COP1: variants seen among roughly 807,000 people sequenced by gnomAD.
COP1 encodes COP1 E3 ubiquitin ligase.
In COP1, 24 loss-of-function variants were observed where a neutral mutation model predicts 101.3. The observed-to-expected ratio is 0.24, with a 90% confidence interval of 0.17 to 0.33. The LOEUF (loss-of-function observed/expected upper bound fraction) is 0.33. Among genes scored for constraint, COP1 ranks in the 10% least tolerant of loss-of-function variants. COP1 has a pLI of 1.00. For synonymous variants in COP1, 347 were observed against 341.9 expected (o/e 1.01, Z -0.17); for missense variants, 663 against 906.2 (o/e 0.73, Z 3.45).
chr1:176,008,482 T>TA (rs1402654808), intron 15 of COP1, among the ~76,000 whole-genome samples: 3 of 152,382 alleles, frequency 2.0e-5, no homozygotes, highest in African/African-American at 7.2e-5. Context: ...TTTTTGTTAA[T>TA]ATTCTCTATT....
chr1:176,000,518 T>C (rs1431350898), intron 15 of COP1, among the ~76,000 whole-genome samples: 1 of 152,056 alleles, frequency 6.6e-6, no homozygotes, highest in Non-Finnish European at 1.5e-5. Flanking sequence ...TATGACAACA[T>C]TAGAAGTTTA....
At chr1:176,069,376 C>T (rs1676580284) in intron 11 of COP1, among the ~76,000 whole-genome samples, 1 of 152,128 alleles carries the variant, frequency 6.6e-6, no homozygotes, top group African/African-American at 2.4e-5. Flanking sequence ...GTCCAGGAAA[C>T]TAGAAGCCAT....
intron 18 of COP1, among the ~76,000 whole-genome samples, chr1:175,963,939 A>G (rs1182784758): frequency 1.3e-5 from 2 of 152,232 alleles, no homozygotes; most frequent in Non-Finnish European, 2.9e-5. Context: ...TTGATGAACT[A>G]AAAACAAGTA....
intron 1 of COP1, among the ~76,000 whole-genome samples, chr1:176,201,441 A>G (rs1700247409): frequency 6.6e-6 from 1 of 152,236 alleles, no homozygotes. Context: ...AAAGTAAGCA[A>G]CAAGGTTTAA....
chr1:176,198,769 C>T (rs1179725500), intron 1 of COP1, among the ~76,000 whole-genome samples: 1 of 151,998 alleles, frequency 6.6e-6, no homozygotes, highest in East Asian at 1.9e-4. Flanking sequence ...CGCAAGATGA[C>T]ATGCAATTTT....
At chr1:176,169,002 T>G (rs372709887) in intron 3 of COP1, among the ~76,000 whole-genome samples, 1 of 152,186 alleles carries the variant, frequency 6.6e-6, no homozygotes. Context: ...CCTGACTTGT[T>G]AATAGGGCAT....
At chr1:176,191,345 G>C (rs555397609) in intron 1 of COP1, among the ~76,000 whole-genome samples, 1 of 151,956 alleles carries the variant, frequency 6.6e-6, no homozygotes, top group Admixed American at 6.6e-5. Flanking sequence ...GCACATAGAA[G>C]ACCTTGGAAA....
rs571314296 is a variant in COP1 at position 175,946,872 on chromosome 1, A to G, written c.2178+323T>C. ...GCTATATTTTGGGCTCTATCTACTGAAAGCCCTGTGGGAGAGTTGTACTGG... is the reference window on the plus strand; with the variant it reads ...GCTATATTTTGGGCTCTATCTACTGGAAGCCCTGTGGGAGAGTTGTACTGG... On this transcript the variant is annotated intron_variant, in intron 19 of 19. Transcript: ENST00000367669. Among the ~76,000 whole-genome samples the G allele has an allele frequency of 4.6e-5, 7 of 152,346 alleles. No homozygotes were observed. The East Asian group carries it at 1.3e-3, about 29-fold the overall frequency.
intron 9 of COP1, among the ~76,000 whole-genome samples, chr1:176,106,846 G>A (rs1684405607): frequency 6.6e-6 from 1 of 152,150 alleles, no homozygotes; most frequent in Non-Finnish European, 1.5e-5. Context: ...AGCAGGCAAG[G>A]TGAATCCATT....
At chr1:176,085,169 A>G (rs1244126748) in intron 10 of COP1, among the ~76,000 whole-genome samples, 1 of 152,140 alleles carries the variant, frequency 6.6e-6, no homozygotes, top group Non-Finnish European at 1.5e-5. Context: ...TTTTTCAGTT[A>G]ATTCATACTC....
At chr1:175,961,051 T>C (rs1424180697) in intron 18 of COP1, among the ~76,000 whole-genome samples, 1 of 152,200 alleles carries the variant, frequency 6.6e-6, no homozygotes, top group African/African-American at 2.4e-5. Context: ...TCTCCTGGCC[T>C]TGGCCATCAG....
chr1:176,023,814 CCAGA>C (rs1267908951), intron 15 of COP1, among the ~76,000 whole-genome samples: 2 of 151,874 alleles, frequency 1.3e-5, no homozygotes, highest in Non-Finnish European at 2.9e-5. Context: ...TAATCCAAGC[CCAGA>C]CAGTTTCTCT....
At chr1:176,071,675 A>G (rs544733791) in intron 11 of COP1, among the ~76,000 whole-genome samples, 1 of 152,342 alleles carries the variant, frequency 6.6e-6, no homozygotes, top group East Asian at 1.9e-4. Context: ...CTCCTGAGGA[A>G]GGTTATTCTA....
At chr1:176,017,012 C>T (rs1665782237) in intron 15 of COP1, among the ~76,000 whole-genome samples, 1 of 152,080 alleles carries the variant, frequency 6.6e-6, no homozygotes, top group South Asian at 2.1e-4. Context: ...AAATAATTTT[C>T]CTGTAGGATT....
chr1:175,990,271 T>G (rs1286840155), intron 15 of COP1, among the ~76,000 whole-genome samples: 1 of 152,172 alleles, frequency 6.6e-6, no homozygotes, highest in East Asian at 1.9e-4. Flanking sequence ...TAACTATTGT[T>G]GATTTTTAAT....
In COP1 at chr1:175,944,831, T is replaced by C. The variant is rs113228008; in HGVS notation, c.*322A>G. On this transcript the variant is annotated 3_prime_UTR_variant, in exon 20 of 20. Transcript: ENST00000367669. ...TTGACAAAAACTTTCCAAGCTCAACTGTGGCTCAATAAACTTTTATTGTTT... is the reference window on the plus strand; with the variant it reads ...TTGACAAAAACTTTCCAAGCTCAACCGTGGCTCAATAAACTTTTATTGTTT... 486 of 335,836 alleles carry C rather than the reference T, an allele frequency of 1.4e-3. 4 individuals carry two copies. The highest frequency in any genetic ancestry group is 9.5e-3 in the African/African-American group (448 of 47,016). The allele number at this position is 335,836 out of a possible 1,614,324, so 20.8% of individuals were successfully genotyped here. A position where few individuals can be genotyped will look rare whatever the true frequency, so the allele number is the denominator to read the frequency against.
At chr1:176,065,851 G>A (rs969311386) in intron 11 of COP1, among the ~76,000 whole-genome samples, 1 of 151,854 alleles carries the variant, frequency 6.6e-6, no homozygotes, top group Admixed American at 6.6e-5. Context: ...GGGATTACAG[G>A]TGCGCACCAC....
At chr1:176,197,593 A>G (rs1371304546) in intron 1 of COP1, among the ~76,000 whole-genome samples, 2 of 152,212 alleles carry the variant, frequency 1.3e-5, no homozygotes, top group African/African-American at 2.4e-5. Context: ...AAAACCAGAA[A>G]AAAATTAAAA....
chr1:176,002,709 G>C (rs1254375704), intron 15 of COP1, among the ~76,000 whole-genome samples: 13 of 147,924 alleles, frequency 8.8e-5, no homozygotes, highest in Non-Finnish European at 1.9e-4. Context: ...TGGCTGCATA[G>C]TATTCCATGG....
Sources: allele counts gnomAD v4.1 joint callset (sites outside exome capture counted in the v4.1 genomes callset), GRCh38; gene constraint gnomAD v4.1.1; transcripts MANE v1.5; gene names NCBI Gene and HGNC (gene_info 2026-07-23, HGNC 2026-07-21).